The following ADAMTS12 variants were observed in gnomAD, a reference collection of about 807,000 sequenced individuals.
ADAMTS12 encodes A disintegrin and metalloproteinase with thrombospondin motifs 12.
In ADAMTS12, 118 loss-of-function variants were observed where a neutral mutation model predicts 167.8. That is an observed-to-expected ratio of 0.70 (90% CI 0.61 to 0.82). ADAMTS12 has a LOEUF of 0.82. ADAMTS12 is among the 40% of genes least tolerant of loss of function. ADAMTS12 has a pLI of 0.00. For synonymous variants in ADAMTS12, 704 were observed against 716.9 expected, an observed-to-expected ratio of 0.98 and a Z score of 0.29; for missense variants, 1,916 against 1,998.8, an observed-to-expected ratio of 0.96 and a Z score of 0.79.
intron 2 of ADAMTS12, among the ~76,000 whole-genome samples, chr5:33,833,453 C>T (rs1561297181): frequency 6.6e-6 from 1 of 151,716 alleles, no homozygotes; most frequent in Non-Finnish European, 1.5e-5. Context: ...CTTTTCTTTT[C>T]AGAGACAAAG....
In ADAMTS12 at chr5:33,775,533, G is replaced by A. The variant is rs575097321; in HGVS notation, c.490-23985C>T. Among the ~76,000 whole-genome samples the A allele has an allele frequency of 4.6e-5, 7 of 152,216 alleles. No homozygotes were observed. The East Asian group carries it at 7.7e-4, about 17-fold the overall frequency. ...GTCTGGAGAGTGATATGAACAAGGC[G>A]GTGGAATAGGACTTTCCAGTATGCA... On this transcript the variant is annotated intron_variant, in intron 2 of 23. Transcript: ENST00000504830.
chr5:33,528,879 T>C (rs894023836), intron 23 of ADAMTS12, among the ~76,000 whole-genome samples: 2 of 152,088 alleles, frequency 1.3e-5, no homozygotes, highest in South Asian at 2.1e-4. Context: ...ACCCCGTCTC[T>C]ACTAAAAATA....
chr5:33,543,813 C>G (rs781392973), intron 22 of ADAMTS12, among the ~76,000 whole-genome samples: 1 of 152,154 alleles, frequency 6.6e-6, no homozygotes, highest in African/African-American at 2.4e-5. Context: ...ATTCAACACC[C>G]CTTCATGCTA....
chr5:33,535,077 G>T, intron 22 of ADAMTS12, 85 bp from the exon 23 acceptor site: 1 of 1,360,170 alleles, frequency 7.4e-7, no homozygotes, highest in Non-Finnish European at 9.8e-7. Context: ...ATCCCACTGT[G>T]GTCAAGAATG....
chr5:33,538,259 G>A (rs1357489898), intron 22 of ADAMTS12, among the ~76,000 whole-genome samples: 4 of 152,164 alleles, frequency 2.6e-5, no homozygotes, highest in African/African-American at 4.8e-5. Context: ...AGTGGGGAGT[G>A]AAATGGGAAG....
rs139357171 is a variant in ADAMTS12, at chr5:33,847,886, T to C, written c.489+33233A>G. Reference sequence around the variant, plus strand: ...ACCAAAGATCTGTCACAGGAAGAAATTGTGTTTCCAAGGATATCCTCTCCC... The same window carrying C: ...ACCAAAGATCTGTCACAGGAAGAAACTGTGTTTCCAAGGATATCCTCTCCC... On this transcript the variant is annotated intron_variant, in intron 2 of 23. Coordinates refer to ENST00000504830, the MANE Select transcript of ADAMTS12 (RefSeq NM_030955.4). Among the ~76,000 whole-genome samples, 211 of 151,926 alleles carry C rather than the reference T, an allele frequency of 1.4e-3. 1 individual carries two copies. The highest frequency in any genetic ancestry group is 4.9e-3 in the African/African-American group (202 of 41,438).
intron 2 of ADAMTS12, among the ~76,000 whole-genome samples, chr5:33,842,491 T>C (rs1033254332): frequency 3.9e-5 from 6 of 152,238 alleles, no homozygotes; most frequent in African/African-American, 1.4e-4. Flanking sequence ...CCTCATAGCA[T>C]AAAAGCTTTT....
At chr5:33,681,576 G>A (rs1742115785) in intron 5 of ADAMTS12, among the ~76,000 whole-genome samples, 1 of 152,200 alleles carries the variant, frequency 6.6e-6, no homozygotes, top group Admixed American at 6.5e-5. Context: ...GGTAGAGGCT[G>A]TGATAAGCAA....
chr5:33,604,905 G>C (rs1045564398), intron 16 of ADAMTS12, among the ~76,000 whole-genome samples: 3 of 152,190 alleles, frequency 2.0e-5, no homozygotes, highest in Non-Finnish European at 4.4e-5. Context: ...AATACATTTA[G>C]AGAAATCTAA....
chr5:33,587,281 C>T (rs1021860506), intron 18 of ADAMTS12, among the ~76,000 whole-genome samples: 2 of 152,166 alleles, frequency 1.3e-5, no homozygotes, highest in Admixed American at 6.5e-5. Flanking sequence ...CAATCTGTCA[C>T]ATATTTATCA....
At chr5:33,781,915 C>T (rs1280822636) in intron 2 of ADAMTS12, among the ~76,000 whole-genome samples, 23 of 145,186 alleles carry the variant, frequency 1.6e-4, no homozygotes, top group African/African-American at 5.8e-4. Flanking sequence ...TTGTTCAATT[C>T]CCACCTATGA....
chr5:33,581,742 A>G (rs1186238501), intron 18 of ADAMTS12, among the ~76,000 whole-genome samples: 1 of 152,138 alleles, frequency 6.6e-6, no homozygotes, highest in South Asian at 2.1e-4. Flanking sequence ...AATGCCCCCA[A>G]TCTCAGAATT....
intron 18 of ADAMTS12, among the ~76,000 whole-genome samples, chr5:33,584,827 T>A (rs1359343192): frequency 1.3e-5 from 2 of 152,190 alleles, no homozygotes; most frequent in Non-Finnish European, 2.9e-5. Flanking sequence ...ACATGTTGGT[T>A]CATAATTGAG....
rs559284911 is a variant in ADAMTS12, at chr5:33,599,991, T to C, written c.2528-3931A>G. Reference sequence around the variant, plus strand: ...AAATGATATTGGCTTTTTATTTGGCTTGCTATTTTTTCCCTTTCTCTTCTA... The same window carrying C: ...AAATGATATTGGCTTTTTATTTGGCCTGCTATTTTTTCCCTTTCTCTTCTA... On this transcript the variant is annotated intron_variant, in intron 16 of 23. Coordinates refer to ENST00000504830, the MANE Select transcript of ADAMTS12 (RefSeq NM_030955.4). Among the ~76,000 whole-genome samples, 10 of 152,336 alleles carry C rather than the reference T, an allele frequency of 6.6e-5. 1 individual carries two copies. In the South Asian group the frequency reaches 2.1e-3, roughly 32 times the overall value.
intron 2 of ADAMTS12, among the ~76,000 whole-genome samples, chr5:33,834,616 G>A (rs1232227193): frequency 6.6e-6 from 1 of 152,096 alleles, no homozygotes; most frequent in Non-Finnish European, 1.5e-5. Context: ...ATCCCCACTG[G>A]AGGAGTCAGA....
intron 18 of ADAMTS12, among the ~76,000 whole-genome samples, chr5:33,581,883 G>C (rs544502989): frequency 6.6e-6 from 1 of 152,168 alleles, no homozygotes; most frequent in Non-Finnish European, 1.5e-5. Context: ...AGAATGTCAT[G>C]TGAAGATGAA....
chr5:33,702,332 A>T (rs1743032551), intron 3 of ADAMTS12, among the ~76,000 whole-genome samples: 1 of 152,182 alleles, frequency 6.6e-6, no homozygotes, highest in Non-Finnish European at 1.5e-5. Flanking sequence ...ATTACCTGGT[A>T]TTGTTGATGT....
chr5:33,566,915 G>A (rs960960105), intron 19 of ADAMTS12, among the ~76,000 whole-genome samples: 2 of 152,076 alleles, frequency 1.3e-5, no homozygotes, highest in Admixed American at 1.3e-4. Context: ...TGACTGGGAT[G>A]GTGACCCCAG....
At chr5:33,860,406 G>A (rs1159583729) in intron 2 of ADAMTS12, among the ~76,000 whole-genome samples, 1 of 152,046 alleles carries the variant, frequency 6.6e-6, no homozygotes, top group Non-Finnish European at 1.5e-5. Context: ...GTGGAAGAAA[G>A]GATATCAGAG....
Sources: gnomAD v4.1 joint callset for allele counts (sites outside exome capture counted in the v4.1 genomes callset) on GRCh38, gnomAD v4.1.1 for gene constraint, MANE v1.5 for transcripts, NCBI Gene and HGNC (gene_info 2026-07-23, HGNC 2026-07-21) for gene names.